IGF1R: variants seen among roughly 807,000 people sequenced by gnomAD.
IGF1R encodes the protein insulin like growth factor 1 receptor.
IGF1R carries 44 observed loss-of-function variants against 144.6 expected under a neutral mutation model. The observed-to-expected ratio is 0.30, with a 90% CI of 0.24 to 0.39. IGF1R has a LOEUF of 0.39. Among genes scored for constraint, IGF1R ranks in the 10% least tolerant of loss-of-function variants. The probability of loss-of-function intolerance (pLI) is 1.00; values close to 1 mark genes in which losing one functional copy is unlikely to be tolerated. For missense variants in IGF1R, 1,355 were observed against 1,833.7 expected, an observed-to-expected ratio of 0.74 and a Z score of 4.77; for synonymous variants, 795 against 722.8, an observed-to-expected ratio of 1.10 and a Z score of -1.60.
chr15:98,894,685 C>A (rs528240357), intron 3 of IGF1R, among the ~76,000 whole-genome samples: 1 of 152,316 alleles, frequency 6.6e-6, no homozygotes, highest in Non-Finnish European at 1.5e-5. Context: ...GGGTGGATCA[C>A]CTGAGGTCAA....
intron 2 of IGF1R, among the ~76,000 whole-genome samples, chr15:98,888,466 T>TGTGTGTGTGTGTG (rs369692205): frequency 6.6e-6 from 1 of 151,854 alleles, no homozygotes; most frequent in African/African-American, 2.4e-5. Flanking sequence ...TGTGTGTGTG[T>TGTGTGTGTGTGTG]TTACAGAAAA....
chr15:98,800,209 C>T (rs1456690435), intron 2 of IGF1R, among the ~76,000 whole-genome samples: 1 of 143,738 alleles, frequency 7.0e-6, no homozygotes, highest in Admixed American at 7.2e-5. Context: ...GCTGGGAGGG[C>T]AGCTGTGGAA....
chr15:98,831,001 C>T (rs765122774), intron 2 of IGF1R, among the ~76,000 whole-genome samples: 22 of 152,150 alleles, frequency 1.4e-4, no homozygotes, highest in South Asian at 4.1e-4. Context: ...GAAAGAGAGA[C>T]GCCAGATCTC....
At chr15:98,684,577 T>G (rs985530897) in intron 1 of IGF1R, among the ~76,000 whole-genome samples, 3 of 152,126 alleles carry the variant, frequency 2.0e-5, no homozygotes, top group African/African-American at 7.2e-5. Context: ...TCAGTGAAGA[T>G]CTTTTATGGC....
intron 2 of IGF1R, among the ~76,000 whole-genome samples, chr15:98,780,149 A>G (rs1015917362): frequency 3.3e-5 from 5 of 151,758 alleles, no homozygotes; most frequent in African/African-American, 1.2e-4. Flanking sequence ...AACTTAAAGT[A>G]TAATAAAAAA....
At chr15:98,852,459 CA>C (rs1481941971) in intron 2 of IGF1R, among the ~76,000 whole-genome samples, 2 of 152,256 alleles carry the variant, frequency 1.3e-5, no homozygotes, top group African/African-American at 2.4e-5. Flanking sequence ...TGGGAAATTC[CA>C]CCTTTCCGCG....
Position 98,649,525 on chromosome 15 carries a change from C to CTTTTT in IGF1R, c.-37_-33dup. ...TCATTTCCTTTTTTTCTTTTCTTTT[C>CTTTTT]TTTTTTTTTTTTTTTTTTTTTTTTG... On this transcript the variant is annotated 5_prime_UTR_variant, in exon 1 of 21. Coordinates refer to ENST00000650285, the MANE Select transcript of IGF1R (RefSeq NM_000875.5). 925 of 725,908 alleles carry CTTTTT rather than the reference C, an allele frequency of 1.3e-3. 3 individuals are homozygous for CTTTTT. The highest frequency in any genetic ancestry group is 2.6e-3 in the South Asian group (146 of 56,168). 45.0% of individuals were successfully genotyped at this position (725,908 alleles called of 1,614,324 possible).
At chr15:98,921,456 A>C (rs567036113) in intron 10 of IGF1R, among the ~76,000 whole-genome samples, 89 of 152,204 alleles carry the variant, frequency 5.8e-4, no homozygotes, top group Middle Eastern at 6.8e-3. Context: ...CTGCTCTCTG[A>C]TGGGCAGGAC....
chr15:98,898,888 T>C (rs1313935365), intron 4 of IGF1R, among the ~76,000 whole-genome samples: 8 of 152,242 alleles, frequency 5.3e-5, no homozygotes, highest in Non-Finnish European at 1.2e-4. Flanking sequence ...CCAACTATTT[T>C]CTAGTTATAA....
rs1336036607 is a variant in IGF1R, at chr15:98,961,356, C to T, written c.*3914C>T. 1.7e-5 allele frequency: 4 copies of T among 233,380 alleles called. No homozygotes were observed. Among genetic ancestry groups the T allele is most frequent in the Non-Finnish European group, 2.5e-5 (3 of 117,920 alleles). 14.5% of individuals were successfully genotyped at this position (233,380 alleles called of 1,614,324 possible). A position where few individuals can be genotyped will look rare whatever the true frequency, so the allele number is the denominator to read the frequency against. On this transcript the variant is annotated 3_prime_UTR_variant, in exon 21 of 21. Transcript: ENST00000650285. ...ATGTAGGTAGCTTTTAAGTAGAAAA[C>T]ACTAACAGTGTAGTGCCCATCATAG...
At chr15:98,875,121 G>A (rs1371195291) in intron 2 of IGF1R, among the ~76,000 whole-genome samples, 1 of 152,124 alleles carries the variant, frequency 6.6e-6, no homozygotes, top group Non-Finnish European at 1.5e-5. Flanking sequence ...CAGGTCCTCG[G>A]CTCCGGGACG....
chr15:98,884,927 C>A (rs1211829359), intron 2 of IGF1R, among the ~76,000 whole-genome samples: 2 of 152,150 alleles, frequency 1.3e-5, no homozygotes, highest in Admixed American at 6.5e-5. Context: ...GGCACACCAT[C>A]TTTCCTCCCA....
intron 2 of IGF1R, among the ~76,000 whole-genome samples, chr15:98,801,839 G>T (rs574493815): frequency 4.6e-5 from 7 of 152,284 alleles, no homozygotes; most frequent in Non-Finnish European, 1.0e-4. Flanking sequence ...CCATCCCCGT[G>T]GCTAGCAGCA....
intron 11 of IGF1R, among the ~76,000 whole-genome samples, chr15:98,923,359 C>G (rs139547359): frequency 2.0e-5 from 3 of 152,250 alleles, no homozygotes; most frequent in African/African-American, 7.2e-5. Context: ...GGCCATCCTT[C>G]GTGCCTGCAT....
At chr15:98,901,398 A>G (rs894271397) in intron 5 of IGF1R, among the ~76,000 whole-genome samples, 3 of 152,216 alleles carry the variant, frequency 2.0e-5, no homozygotes, top group Admixed American at 1.3e-4. Context: ...CCCGATGGGA[A>G]GTTTTCTCTC....
chr15:98,899,249 A>G (rs1042646531), intron 4 of IGF1R, among the ~76,000 whole-genome samples: 1 of 152,196 alleles, frequency 6.6e-6, no homozygotes, highest in African/African-American at 2.4e-5. Context: ...AGTACCCCCC[A>G]GCCTCCTAGA....
intron 2 of IGF1R, among the ~76,000 whole-genome samples, chr15:98,776,883 T>A (rs1036742039): frequency 9.2e-5 from 14 of 152,222 alleles, no homozygotes; most frequent in African/African-American, 3.1e-4. Context: ...TCTCATCGTC[T>A]CAGGTATGTG....
Position 98,655,414 on chromosome 15 carries a change from A to T in IGF1R, c.94+5739A>T, listed in dbSNP as rs1261745533. Among the ~76,000 whole-genome samples, 4 of 152,214 alleles carry T rather than the reference A, an allele frequency of 2.6e-5. No individual in the cohort carries two copies. The East Asian group carries it at 7.7e-4, about 29-fold the overall frequency. On this transcript the variant is annotated intron_variant, in intron 1 of 20. Coordinates refer to ENST00000650285, the MANE Select transcript of IGF1R (RefSeq NM_000875.5). The stretch of plus-strand genomic sequence containing the variant: ...GATTTCTCTCCCTTTTTTTCCACTG[A>T]TGCCGGCTTTACTTATGTTTTATTT...
At chr15:98,852,937 C>G (rs748669306) in intron 2 of IGF1R, among the ~76,000 whole-genome samples, 10 of 152,302 alleles carry the variant, frequency 6.6e-5, no homozygotes, top group Admixed American at 5.2e-4. Flanking sequence ...CCTTTTATTG[C>G]TCTCCATGTG....
Sources: allele counts gnomAD v4.1 joint callset (sites outside exome capture counted in the v4.1 genomes callset), GRCh38; gene constraint gnomAD v4.1.1; transcripts MANE v1.5; gene names NCBI Gene and HGNC (gene_info 2026-07-23, HGNC 2026-07-21).